The following CHCHD3 variants were observed in gnomAD, a reference collection of about 807,000 sequenced individuals.
CHCHD3 encodes the protein coiled-coil-helix-coiled-coil-helix domain containing 3, also known as MICOS complex subunit MIC19.
Under a neutral mutation model 38.2 loss-of-function variants are expected in CHCHD3, and 20 were observed. The ratio of observed to expected loss-of-function variants is 0.52; its 90% confidence interval spans 0.37 to 0.76. The LOEUF (loss-of-function observed/expected upper bound fraction) is 0.76. Ranked by LOEUF, CHCHD3 falls within the 30% of genes least tolerant of loss-of-function variation. The pLI is 0.00. For missense variants in CHCHD3, 245 were observed against 279.2 expected, an observed-to-expected ratio of 0.88 and a Z score of 0.87; for synonymous variants, 82 against 100.0, an observed-to-expected ratio of 0.82 and a Z score of 1.07.
At chr7:132,828,034 G>T (rs1282040599) in intron 6 of CHCHD3, among the ~76,000 whole-genome samples, 1 of 152,120 alleles carries the variant, frequency 6.6e-6, no homozygotes, top group African/African-American at 2.4e-5. Flanking sequence ...TGACCATTCG[G>T]ATTGTTGCTA....
intron 4 of CHCHD3, among the ~76,000 whole-genome samples, chr7:132,968,935 T>C (rs1407055043): frequency 2.6e-5 from 4 of 152,186 alleles, no homozygotes; most frequent in Non-Finnish European, 5.9e-5. Context: ...ACCGTTTTCT[T>C]TTTTACCATG....
intron 7 of CHCHD3, among the ~76,000 whole-genome samples, chr7:132,795,654 G>A (rs1252898240): frequency 6.6e-6 from 1 of 152,130 alleles, no homozygotes; most frequent in Non-Finnish European, 1.5e-5. Flanking sequence ...AGATTTAGTT[G>A]GGTTAGAAGG....
Position 132,799,056 on chromosome 7 carries a change from C to T in CHCHD3, c.525-2479G>A, listed in dbSNP as rs542299218. ...GTGTGTGTGTGTGTGTGTGTGCAGT[C>T]ATCCTCTGAAATTCTTTTTGTACAC... On this transcript the variant is annotated intron_variant, in intron 6 of 7. Coordinates refer to ENST00000262570, the MANE Select transcript of CHCHD3 (RefSeq NM_017812.4). Among the ~76,000 whole-genome samples, 4 of 146,210 alleles carry T rather than the reference C, an allele frequency of 2.7e-5. No homozygotes were observed. In the East Asian group the frequency reaches 8.2e-4, roughly 30 times the overall value.
At chr7:132,833,109 TTTAA>T (rs1807690186) in intron 6 of CHCHD3, among the ~76,000 whole-genome samples, 1 of 152,206 alleles carries the variant, frequency 6.6e-6, no homozygotes, top group Admixed American at 6.5e-5. Context: ...TAATACTTTG[TTTAA>T]TTAATTACCT....
chr7:133,025,487 G>C (rs966611738), intron 2 of CHCHD3, among the ~76,000 whole-genome samples: 3 of 152,128 alleles, frequency 2.0e-5, no homozygotes, highest in African/African-American at 7.2e-5. Flanking sequence ...CAGAACCTAA[G>C]GTCTTTTTTG....
At chr7:132,848,583 C>G (rs1562884408) in intron 5 of CHCHD3, among the ~76,000 whole-genome samples, 2 of 152,068 alleles carry the variant, frequency 1.3e-5, no homozygotes, top group Non-Finnish European at 2.9e-5. Flanking sequence ...CATTTTCTAC[C>G]AGAACTTTAA....
chr7:132,957,337 G>A (rs1311838559), intron 4 of CHCHD3, among the ~76,000 whole-genome samples: 1 of 152,178 alleles, frequency 6.6e-6, no homozygotes, highest in African/African-American at 2.4e-5. Flanking sequence ...TCCAATAAAA[G>A]GGAAAGTAGG....
intron 2 of CHCHD3, among the ~76,000 whole-genome samples, chr7:133,062,213 T>C (rs533206732): frequency 6.6e-6 from 1 of 152,042 alleles, no homozygotes; most frequent in East Asian, 1.9e-4. Context: ...AATAGGAAAA[T>C]GTACATTTGA....
At chr7:132,966,668 C>T (rs1426572581) in intron 4 of CHCHD3, among the ~76,000 whole-genome samples, 1 of 152,174 alleles carries the variant, frequency 6.6e-6, no homozygotes, top group Non-Finnish European at 1.5e-5. Context: ...AGAACTGTAT[C>T]AGAACTGACA....
chr7:132,972,406 T>G lies in CHCHD3; in HGVS notation c.369+2763A>C, dbSNP rs533950353. 194 of 178,226 alleles carry G rather than the reference T, an allele frequency of 1.1e-3. 1 individual carries two copies. The highest frequency in any genetic ancestry group is 4.9e-3 in the South Asian group (26 of 5,324). 11.0% of individuals were successfully genotyped at this position (178,226 alleles called of 1,614,324 possible). On this transcript the variant is annotated intron_variant, in intron 4 of 7. Transcript: ENST00000262570. ...ATAAAATCAAATGTTTTATACCAACTCAGTGGGAAGTAAAAAGGAATATAA... is the reference window on the plus strand; with the variant it reads ...ATAAAATCAAATGTTTTATACCAACGCAGTGGGAAGTAAAAAGGAATATAA...
At chr7:133,062,013 T>C (rs2117522274) in intron 2 of CHCHD3, among the ~76,000 whole-genome samples, 2 of 152,146 alleles carry the variant, frequency 1.3e-5, no homozygotes, top group African/African-American at 4.8e-5. Flanking sequence ...TACAGAACAC[T>C]ATAGGAGTGA....
At chr7:133,042,204 A>G (rs1813852671) in intron 2 of CHCHD3, among the ~76,000 whole-genome samples, 1 of 152,222 alleles carries the variant, frequency 6.6e-6, no homozygotes, top group Non-Finnish European at 1.5e-5. Flanking sequence ...TTCACTTAAA[A>G]GCAAGCTTGG....
intron 4 of CHCHD3, among the ~76,000 whole-genome samples, chr7:132,914,123 CGTGTGTGTGTGTGTGTGTGTGTGT>C (rs200561468): frequency 7.6e-6 from 1 of 132,224 alleles, no homozygotes; most frequent in Non-Finnish European, 1.6e-5. Context: ...CCATGCCTGG[CGTGTGTGTGTGTGTGTGTGTGTGT>C]GTGTGTGTGT....
At chr7:132,874,414 A>G (rs189845414) in intron 5 of CHCHD3, among the ~76,000 whole-genome samples, 23 of 152,320 alleles carry the variant, frequency 1.5e-4, no homozygotes, top group Admixed American at 1.4e-3. Context: ...CTAGAGGGTC[A>G]CAGAAACCTT....
chr7:133,041,195 A>G (rs992469652), intron 2 of CHCHD3, among the ~76,000 whole-genome samples: 4 of 152,240 alleles, frequency 2.6e-5, no homozygotes, highest in African/African-American at 4.8e-5. Context: ...TTATACAAGT[A>G]TCCAGGTAAT....
intron 5 of CHCHD3, among the ~76,000 whole-genome samples, chr7:132,882,461 C>A (rs1809086318): frequency 7.4e-6 from 1 of 135,006 alleles, no homozygotes; most frequent in African/African-American, 2.7e-5. Flanking sequence ...ACAATATATT[C>A]TATATATATA....
intron 5 of CHCHD3, among the ~76,000 whole-genome samples, chr7:132,854,064 G>A (rs2117120530): frequency 6.6e-6 from 1 of 152,268 alleles, no homozygotes; most frequent in African/African-American, 2.4e-5. Context: ...GAGGAAATGG[G>A]TTCCCTCATC....
chr7:132,808,563 A>C (rs748865034), intron 6 of CHCHD3, among the ~76,000 whole-genome samples: 2 of 152,194 alleles, frequency 1.3e-5, no homozygotes, highest in African/African-American at 2.4e-5. Flanking sequence ...CAGGGACTAC[A>C]TCTGACGATC....
At position 132,806,024 on chromosome 7, in the gene CHCHD3, G is replaced by C. The variant is rs559938588; in HGVS notation, c.525-9447C>G. Among the ~76,000 whole-genome samples, 28 of 152,262 alleles carry C rather than the reference G, an allele frequency of 1.8e-4. 1 individual carries two copies. In the South Asian group the frequency reaches 2.1e-3, roughly 11 times the overall value. ...TCAAAATGCCCTGCAAGATGTGGTGGGGAGCATAGAGGCAAAGGGCAGAAA... is the reference window on the plus strand; with the variant it reads ...TCAAAATGCCCTGCAAGATGTGGTGCGGAGCATAGAGGCAAAGGGCAGAAA... On this transcript the variant is annotated intron_variant, in intron 6 of 7. Transcript: ENST00000262570.
Sources: allele counts gnomAD v4.1 joint callset (sites outside exome capture counted in the v4.1 genomes callset), GRCh38; gene constraint gnomAD v4.1.1; transcripts MANE v1.5; gene names NCBI Gene and HGNC (gene_info 2026-07-23, HGNC 2026-07-21).